Variants in AGBL4 observed in about 807,000 individuals in gnomAD.
AGBL4 encodes cytosolic carboxypeptidase 6.
In AGBL4, 58 loss-of-function variants were observed where a neutral mutation model predicts 66.4. The observed-to-expected ratio is 0.87, with a 90% CI of 0.71 to 1.09. AGBL4 has a LOEUF of 1.09. Among genes scored for constraint, AGBL4 ranks in the 50% least tolerant of loss-of-function variants. The pLI is 0.00. For missense variants in AGBL4, 579 were observed against 631.0 expected (o/e 0.92, Z 0.88); for synonymous variants, 234 against 222.9 (o/e 1.05, Z -0.44).
chr1:48,599,817 G>T (rs1376665473), intron 9 of AGBL4, among the ~76,000 whole-genome samples: 2 of 152,188 alleles, frequency 1.3e-5, no homozygotes, highest in Admixed American at 6.5e-5. Context: ...GTGTCAAGTA[G>T]GCAGTTGAAT....
intron 5 of AGBL4, among the ~76,000 whole-genome samples, chr1:48,905,764 C>A (rs879649660): frequency 5.3e-5 from 8 of 152,116 alleles, no homozygotes; most frequent in Non-Finnish European, 1.0e-4. Flanking sequence ...TGGTTGAGAT[C>A]CACCATTCTA....
At chr1:49,529,205 A>G (rs1231392377) in intron 3 of AGBL4, among the ~76,000 whole-genome samples, 2 of 152,146 alleles carry the variant, frequency 1.3e-5, no homozygotes, top group Non-Finnish European at 2.9e-5. Flanking sequence ...CCGTGGTGAT[A>G]AATTTGAAGA....
At chr1:48,781,859 C>A (rs1004090940) in intron 6 of AGBL4, among the ~76,000 whole-genome samples, 7 of 152,226 alleles carry the variant, frequency 4.6e-5, no homozygotes, top group Admixed American at 3.9e-4. Flanking sequence ...TCATTTCCTT[C>A]ACCTGTCTCT....
At chr1:49,996,453 T>C (rs1660374778) in intron 1 of AGBL4, among the ~76,000 whole-genome samples, 1 of 151,958 alleles carries the variant, frequency 6.6e-6, no homozygotes. Context: ...ATCAAACAAG[T>C]AGAAGAAAGA....
intron 5 of AGBL4, among the ~76,000 whole-genome samples, chr1:49,030,941 G>A (rs1664173550): frequency 6.6e-6 from 1 of 152,096 alleles, no homozygotes; most frequent in East Asian, 1.9e-4. Context: ...GAGTGACGGA[G>A]TGTGAATGGA....
At chr1:49,834,402 T>C (rs1304058230) in intron 2 of AGBL4, among the ~76,000 whole-genome samples, 1 of 152,222 alleles carries the variant, frequency 6.6e-6, no homozygotes, top group African/African-American at 2.4e-5. Flanking sequence ...GATGGTAGTT[T>C]GTATTTCTGT....
Position 50,023,861 on chromosome 1 carries a change from G to A in AGBL4, c.-65C>T. 2 of 1,516,598 alleles carry A rather than the reference G, an allele frequency of 1.3e-6. No individual in the cohort carries two copies. Among genetic ancestry groups the A allele is most frequent in the Non-Finnish European group, 8.9e-7 (1 of 1,126,278 alleles). 93.9% of individuals were successfully genotyped at this position (1,516,598 alleles called of 1,614,324 possible). A position where few individuals can be genotyped will look rare whatever the true frequency, so the allele number is the denominator to read the frequency against. On this transcript the variant is annotated 5_prime_UTR_variant, in exon 1 of 14. Coordinates refer to ENST00000371839, the MANE Select transcript of AGBL4 (RefSeq NM_032785.4). ...CGGGGCAGTAGGGAGCGGGTGGTGG[G>A]ATCAGTGGGCTGACAGGAGCTACCT... is the stretch of plus-strand genomic sequence containing the variant.
At chr1:49,715,383 G>T (rs1253588703) in intron 2 of AGBL4, among the ~76,000 whole-genome samples, 3 of 152,146 alleles carry the variant, frequency 2.0e-5, no homozygotes, top group African/African-American at 7.2e-5. Flanking sequence ...CATTTGGGTT[G>T]ATTCCAAGTC....
intron 5 of AGBL4, among the ~76,000 whole-genome samples, chr1:48,942,959 G>T (rs1267290851): frequency 6.6e-6 from 1 of 152,164 alleles, no homozygotes; most frequent in Non-Finnish European, 1.5e-5. Context: ...TAGTGAGCTG[G>T]ATTTTTTACG....
chr1:49,032,828 G>T (rs895263525), intron 5 of AGBL4, among the ~76,000 whole-genome samples: 1 of 152,126 alleles, frequency 6.6e-6, no homozygotes, highest in Non-Finnish European at 1.5e-5. Flanking sequence ...TAGTATATGA[G>T]AATAACTTAA....
intron 3 of AGBL4, among the ~76,000 whole-genome samples, chr1:49,313,086 C>T (rs1273146663): frequency 1.3e-5 from 2 of 151,970 alleles, no homozygotes; most frequent in Non-Finnish European, 2.9e-5. Flanking sequence ...CATGTGTTCT[C>T]ATTGTTCAAC....
chr1:49,320,431 T>C (rs1176040978), intron 3 of AGBL4, among the ~76,000 whole-genome samples: 3 of 152,154 alleles, frequency 2.0e-5, no homozygotes, highest in Non-Finnish European at 2.9e-5. Context: ...CAATATCTGC[T>C]ACAGTGTATA....
At chr1:48,873,265 C>T (rs1294104648) in intron 5 of AGBL4, among the ~76,000 whole-genome samples, 1 of 152,190 alleles carries the variant, frequency 6.6e-6, no homozygotes, top group Non-Finnish European at 1.5e-5. Context: ...GCCAAATTTG[C>T]CGTGCTTTCG....
At chr1:48,930,282 TCTA>T (rs1359809977) in intron 5 of AGBL4, among the ~76,000 whole-genome samples, 2 of 152,116 alleles carry the variant, frequency 1.3e-5, no homozygotes, top group Admixed American at 6.6e-5. Context: ...GGAGAAATTT[TCTA>T]CTTTTTTCTT....
chr1:49,797,375 TA>T (rs1201907442), intron 2 of AGBL4, among the ~76,000 whole-genome samples: 11 of 152,298 alleles, frequency 7.2e-5, no homozygotes, highest in Admixed American at 7.2e-4. Context: ...GTGCCTAGGA[TA>T]AATAGGTACA....
At chr1:49,708,063 G>A (rs1647345835) in intron 2 of AGBL4, among the ~76,000 whole-genome samples, 1 of 151,994 alleles carries the variant, frequency 6.6e-6, no homozygotes, top group South Asian at 2.1e-4. Flanking sequence ...TATCTTTGTG[G>A]TGTTCTCTGT....
At chr1:49,127,858 C>T (rs1374831866) in intron 4 of AGBL4, among the ~76,000 whole-genome samples, 1 of 152,020 alleles carries the variant, frequency 6.6e-6, no homozygotes, top group African/African-American at 2.4e-5. Flanking sequence ...AGTAACTCAA[C>T]TTATAGCCAA....
chr1:49,397,130 T>A (rs1202532153), intron 3 of AGBL4, among the ~76,000 whole-genome samples: 1 of 152,048 alleles, frequency 6.6e-6, no homozygotes, highest in Non-Finnish European at 1.5e-5. Flanking sequence ...TCCTGCTGTG[T>A]GGCTCAGTTC....
At chr1:49,044,264 G>A (rs540542913) in intron 5 of AGBL4, among the ~76,000 whole-genome samples, 4 of 152,174 alleles carry the variant, frequency 2.6e-5, no homozygotes, top group African/African-American at 9.6e-5. Context: ...TTGGGAGGCC[G>A]AGGCGGGTGG....
Sources: allele counts gnomAD v4.1 joint callset (sites outside exome capture counted in the v4.1 genomes callset), GRCh38; gene constraint gnomAD v4.1.1; transcripts MANE v1.5; gene names NCBI Gene and HGNC (gene_info 2026-07-23, HGNC 2026-07-21).